Variants in PRKCZ observed in about 807,000 individuals in gnomAD.
PRKCZ encodes protein kinase C zeta type.
Under a neutral mutation model 79.5 loss-of-function variants are expected in PRKCZ, and 33 were observed. The observed-to-expected ratio is 0.41, with a 90% CI of 0.31 to 0.55. The LOEUF (loss-of-function observed/expected upper bound fraction) is 0.55, where lower values mean the gene tolerates loss of function less well. Among genes scored for constraint, PRKCZ ranks in the 20% least tolerant of loss-of-function variants. PRKCZ has a pLI of 0.19. For synonymous variants in PRKCZ, 342 were observed against 320.9 expected (o/e 1.07, Z -0.70); for missense variants, 578 against 813.5 (o/e 0.71, Z 3.52).
intron 4 of PRKCZ, among the ~76,000 whole-genome samples, chr1:2,114,230 T>G (rs956750871): frequency 6.7e-6 from 1 of 149,168 alleles, no homozygotes; most frequent in Non-Finnish European, 1.5e-5. Context: ...AGGTTCGTCT[T>G]GTGTGTTGAG....
intron 16 of PRKCZ, among the ~76,000 whole-genome samples, chr1:2,175,894 C>G (rs1685404385): frequency 6.6e-6 from 1 of 152,152 alleles, no homozygotes; most frequent in African/African-American, 2.4e-5. Context: ...GACCTGTGAG[C>G]ACATTGGCTG....
rs1349382909 is a variant in PRKCZ at position 2,185,239 on chromosome 1, C to T, written c.*230C>T. On this transcript the variant is annotated 3_prime_UTR_variant, in exon 18 of 18. Coordinates refer to ENST00000378567, the MANE Select transcript of PRKCZ (RefSeq NM_002744.6). ...CTGGAGGAACTTGCTGCTGTGCCTG[C>T]GTCGCGGCGGATCCGCGGGGACCCT... 4 of 709,608 alleles carry T rather than the reference C, an allele frequency of 5.6e-6. No individual in the cohort carries two copies. The highest frequency in any genetic ancestry group is 1.7e-5 in the African/African-American group (1 of 57,226). 44.0% of individuals were successfully genotyped at this position (709,608 alleles called of 1,614,324 possible). A position where few individuals can be genotyped will look rare whatever the true frequency, so the allele number is the denominator to read the frequency against.
Position 2,059,565 on chromosome 1 carries a change from C to T in PRKCZ, c.308C>T (p.Pro103Leu), listed in dbSNP as rs1423408612. The stretch of plus-strand genomic sequence containing the variant: ...GTTTTCCCGAGCACCCCTGAGCAGC[C>T]TGGCCTGCCATGTCCGGGAGAAGAC... ...IHVFPSTPEQ[P>L]GLPCPGEDKS... The change falls in exon 4 of 18, where the codon CCT (proline) becomes CTT (leucine). Residue 103 changes from proline to leucine, a missense_variant. Coordinates refer to ENST00000378567, the MANE Select transcript of PRKCZ (RefSeq NM_002744.6). 9.3e-6 allele frequency: 15 copies of T among 1,614,064 alleles called. No homozygotes were observed. The highest frequency in any genetic ancestry group is 1.3e-5 in the Non-Finnish European group (15 of 1,180,010).
At chr1:2,060,662 C>T (rs1005664867) in intron 4 of PRKCZ, among the ~76,000 whole-genome samples, 5 of 152,212 alleles carry the variant, frequency 3.3e-5, no homozygotes, top group East Asian at 1.9e-4. Flanking sequence ...GCACCGTGGC[C>T]GGCAAGGCCG....
intron 5 of PRKCZ, 66 bp downstream of exon 5, chr1:2,135,413 G>A: frequency 7.0e-7 from 1 of 1,428,394 alleles, no homozygotes; most frequent in South Asian, 1.2e-5. Context: ...CAAAGAGAGA[G>A]GAGGGGAGGC....
At chr1:2,048,636 C>T (rs538582527), upstream of PRKCZ, among the ~76,000 whole-genome samples, 60 of 152,226 alleles carry the variant, frequency 3.9e-4, 1 homozygote, top group South Asian at 6.4e-3. Flanking sequence ...TGGGGGAAGA[C>T]GTCAGCTGAG....
chr1:2,130,983 T>A (rs1288191619), intron 4 of PRKCZ, among the ~76,000 whole-genome samples: 1 of 152,126 alleles, frequency 6.6e-6, no homozygotes, highest in Non-Finnish European at 1.5e-5. Flanking sequence ...CCTGACACAG[T>A]TCGACCCTCC....
intron 6 of PRKCZ, chr1:2,144,552 C>T (rs1292012471): frequency 2.1e-6 from 3 of 1,402,854 alleles, no homozygotes; most frequent in Non-Finnish European, 1.9e-6. Flanking sequence ...ACACTCTGCT[C>T]ATTGGGGCAT....
intron 4 of PRKCZ, among the ~76,000 whole-genome samples, chr1:2,062,122 A>G (rs78819492): frequency 0.023 from 3,533 of 152,276 alleles, 131 homozygotes; most frequent in African/African-American, 0.081. Context: ...GGCACATTCT[A>G]TGTGTGTCTA....
intron 4 of PRKCZ, among the ~76,000 whole-genome samples, chr1:2,120,526 CTCCTGAT>C (rs1671687243): frequency 6.6e-6 from 1 of 151,830 alleles, no homozygotes; most frequent in Admixed American, 6.6e-5. Context: ...TGGTCTGGAA[CTCCTGAT>C]CATACATCCA....
In PRKCZ at chr1:2,059,468, G is replaced by A. The variant is rs1660472521; in HGVS notation, c.284-73G>A. On this transcript the variant is annotated intron_variant, in intron 3 of 17. Transcript: ENST00000378567. Reference sequence around the variant, plus strand: ...TCCACGTGCTCAGCCTGACTGAGGCGGGACTTCCTCCGTGAGACTGTTGAG... The same window carrying A: ...TCCACGTGCTCAGCCTGACTGAGGCAGGACTTCCTCCGTGAGACTGTTGAG... The A allele has an allele frequency of 2.6e-6, 4 of 1,565,294 alleles. No individual in the cohort carries two copies. The Admixed American group carries it at 5.1e-5, about 20-fold the overall frequency.
At chr1:2,180,369 G>GTGGACGCACAGACGACA (rs1165421646) in intron 16 of PRKCZ, among the ~76,000 whole-genome samples, 2 of 152,164 alleles carry the variant, frequency 1.3e-5, no homozygotes, top group Non-Finnish European at 2.9e-5. Flanking sequence ...CCCAGACGAT[G>GTGGACGCACAGACGACA]TGGACGCACA....
Position 2,110,652 on chromosome 1 carries a change from G to A in PRKCZ, c.335-24610G>A, listed in dbSNP as rs537251930. ...GTCACTTGTCCACCCTCACACCATC[G>A]CTGGCCCAGGGAATGGGGGTTTGGA... On this transcript the variant is annotated intron_variant, in intron 4 of 17. Transcript: ENST00000378567. Among the ~76,000 whole-genome samples, 146 of 152,186 alleles carry A rather than the reference G, an allele frequency of 9.6e-4. 2 individuals are homozygous for A. The highest frequency in any genetic ancestry group is 6.8e-3 in the Middle Eastern group (2 of 294).
chr1:2,176,073 G>A (rs991607727), intron 16 of PRKCZ, among the ~76,000 whole-genome samples: 16 of 152,170 alleles, frequency 1.1e-4, no homozygotes, highest in South Asian at 2.1e-4. Context: ...GACAGGGTGC[G>A]ACGTACACTG....
In PRKCZ at chr1:2,050,573, C is replaced by G. The variant is rs1319211422; in HGVS notation, c.-58C>G. 10 of 1,121,804 alleles carry G rather than the reference C, an allele frequency of 8.9e-6. No individual in the cohort carries two copies. The East Asian group carries it at 1.7e-4, about 19-fold the overall frequency. 69.5% of individuals were successfully genotyped at this position (1,121,804 alleles called of 1,614,324 possible). A position where few individuals can be genotyped will look rare whatever the true frequency, so the allele number is the denominator to read the frequency against. ...CGCGGCCCCACCTGGAGCCCCCGCC[C>G]CGCGCCATGGCCGGAGCTCCCGGGG... On this transcript the variant is annotated 5_prime_UTR_variant, in exon 1 of 18. Coordinates refer to ENST00000378567, the MANE Select transcript of PRKCZ (RefSeq NM_002744.6).
At position 2,082,512 on chromosome 1, in the gene PRKCZ, C is replaced by A; in HGVS notation, c.334+22921C>A. The A allele has an allele frequency of 2.3e-6, 1 of 425,672 alleles. No homozygotes were observed. The allele number at this position is 425,672 out of a possible 1,614,324, so 26.4% of individuals were successfully genotyped here. On this transcript the variant is annotated intron_variant, in intron 4 of 17. Coordinates refer to ENST00000378567, the MANE Select transcript of PRKCZ (RefSeq NM_002744.6). This position sits in a 1 kb window ranked among gnomAD's most constrained non-coding sequence, Gnocchi z 4.4. ...CTAGCGACCGGTTTTGTGATGTGGG[C>A]AGTGCCGTGCTGGTAAATGCTCTGT...
At chr1:2,180,455 G>A (rs1188150947) in intron 16 of PRKCZ, among the ~76,000 whole-genome samples, 1 of 151,436 alleles carries the variant, frequency 6.6e-6, no homozygotes, top group African/African-American at 2.4e-5. Context: ...AGATGACTCA[G>A]ATGCACGGAC....
chr1:2,162,663 G>T (rs968710383), intron 10 of PRKCZ, among the ~76,000 whole-genome samples: 1 of 151,980 alleles, frequency 6.6e-6, no homozygotes, highest in African/African-American at 2.4e-5. Flanking sequence ...GCCCAATCTG[G>T]TCTCAAACTC....
At chr1:2,119,241 T>A (rs980897928) in intron 4 of PRKCZ, among the ~76,000 whole-genome samples, 1 of 136,912 alleles carries the variant, frequency 7.3e-6, no homozygotes, top group Non-Finnish European at 1.5e-5. Context: ...TGAGATGGAG[T>A]GTCACTCTTG....
Sources: gnomAD v4.1 joint callset for allele counts (sites outside exome capture counted in the v4.1 genomes callset) on GRCh38, gnomAD v4.1.1 for gene constraint, Gnocchi (gnomAD v3.1) non-coding constraint, MANE v1.5 for transcripts, NCBI Gene and HGNC (gene_info 2026-07-23, HGNC 2026-07-21) for gene names.